Variants in FGD5 observed in about 807,000 individuals in gnomAD.
FGD5 encodes the protein FYVE, RhoGEF and PH domain-containing protein 5.
In FGD5, 28 loss-of-function variants were observed where a neutral mutation model predicts 133.4. The observed-to-expected ratio is 0.21, with a 90% confidence interval of 0.16 to 0.29. The LOEUF (loss-of-function observed/expected upper bound fraction) is 0.29. Ranked by LOEUF, FGD5 falls within the 10% of genes least tolerant of loss-of-function variation. The probability of loss-of-function intolerance (pLI) is 1.00; values close to 1 mark genes in which losing one functional copy is unlikely to be tolerated. For missense variants in FGD5, 1,858 were observed against 1,895.2 expected (o/e 0.98, Z 0.36); for synonymous variants, 810 against 776.5 (o/e 1.04, Z -0.72).
At chr3:14,822,077 C>T (rs1270170105) in intron 1 of FGD5, among the ~76,000 whole-genome samples, 1 of 149,008 alleles carries the variant, frequency 6.7e-6, no homozygotes, top group Non-Finnish European at 1.5e-5. Context: ...TCCAACCTGG[C>T]AATAGAGCGA....
At chr3:14,871,441 A>C (rs952584278) in intron 2 of FGD5, among the ~76,000 whole-genome samples, 3 of 152,168 alleles carry the variant, frequency 2.0e-5, no homozygotes, top group Non-Finnish European at 4.4e-5. Flanking sequence ...TGTGTAACTT[A>C]CTCTGCACAG....
rs559037775 is a variant in FGD5 at position 14,911,621 on chromosome 3, GCT to G, written c.3405+699_3405+700del. ...GACAGGCTGTGGTAAGAGTCTACGA[GCT>G]CTCTCTGTTCCAGGCGTTGACTGAG... is the stretch of plus-strand genomic sequence containing the variant. On this transcript the variant is annotated intron_variant, in intron 11 of 19. Coordinates refer to ENST00000285046, the MANE Select transcript of FGD5 (RefSeq NM_152536.4). Among the ~76,000 whole-genome samples, 10 of 152,026 alleles carry G rather than the reference GCT, an allele frequency of 6.6e-5. No homozygotes were observed. In the South Asian group the frequency reaches 1.7e-3, roughly 25 times the overall value.
intron 1 of FGD5, among the ~76,000 whole-genome samples, chr3:14,861,777 A>T (rs2037402495): frequency 6.6e-6 from 1 of 152,058 alleles, no homozygotes; most frequent in Admixed American, 6.5e-5. Context: ...GAGGGTGCCC[A>T]CCTTGCCCTC....
At chr3:14,892,926 A>G (rs1290765336) in intron 4 of FGD5, among the ~76,000 whole-genome samples, 1 of 152,212 alleles carries the variant, frequency 6.6e-6, no homozygotes, top group East Asian at 1.9e-4. Context: ...AACAAGGTAG[A>G]GGAATCATCT....
chr3:14,915,999 C>G (rs1038270318), intron 11 of FGD5, among the ~76,000 whole-genome samples: 1 of 152,056 alleles, frequency 6.6e-6, no homozygotes, highest in Admixed American at 6.5e-5. Flanking sequence ...AGGGCTTGCC[C>G]TGGTTGATGT....
At chr3:14,908,892 AAATAAATAAAAAT>A (rs1201642201) in intron 10 of FGD5, among the ~76,000 whole-genome samples, 5 of 151,868 alleles carry the variant, frequency 3.3e-5, no homozygotes, top group Admixed American at 2.0e-4. Flanking sequence ...AAGAATAAAT[AAATAAATAAAAAT>A]AATAAATAAA....
chr3:14,880,356 A>G (rs1369129783), intron 2 of FGD5, among the ~76,000 whole-genome samples: 2 of 152,234 alleles, frequency 1.3e-5, no homozygotes, highest in Admixed American at 6.5e-5. Flanking sequence ...CTTGTCTCAA[A>G]TAAAATAAAT....
intron 2 of FGD5, among the ~76,000 whole-genome samples, chr3:14,867,514 C>CAG (rs2037518416): frequency 2.0e-5 from 3 of 151,958 alleles, no homozygotes; most frequent in African/African-American, 7.2e-5. Context: ...ATCAATGGAC[C>CAG]AGAGAGCAGG....
At position 14,926,594 on chromosome 3, in the gene FGD5, T is replaced by G. The variant is rs1044689153; in HGVS notation, c.4197+396T>G. ...GCAGTGTGGAGGAAGCTACTCCCTT[T>G]TTGTCTGTCCATTTCTTTTATAGGG... On this transcript the variant is annotated intron_variant, in intron 18 of 19. Transcript: ENST00000285046. Among the ~76,000 whole-genome samples, 22 of 152,344 alleles carry G rather than the reference T, an allele frequency of 1.4e-4. No individual in the cohort carries two copies. In the East Asian group the frequency reaches 2.1e-3, roughly 15 times the overall value.
chr3:14,932,760 C>G, intron 19 of FGD5, 29 bp downstream of exon 19: 1 of 1,600,280 alleles, frequency 6.2e-7, no homozygotes, highest in Non-Finnish European at 8.5e-7. Flanking sequence ...AGTCTTATAG[C>G]TTTTTGTTCT....
At position 14,864,190 on chromosome 3, in the gene FGD5, C is replaced by T. The variant is rs781430448; in HGVS notation, c.2588C>T (p.Thr863Met). ...TCGGCAGCCCCCAAAGAGGACCTTA[C>T]GTCGGATGAAGAGCAGAGAAGCTCG... Reference protein sequence around the residue: ...ISSAAPKEDLTSDEEQRSSEE... With the variant: ...ISSAAPKEDLMSDEEQRSSEE... The change falls in exon 2 of 20, where the codon ACG becomes ATG. Residue 863 changes from threonine (T) to methionine (M), a missense_variant. Physicochemically the swap from Thr to Met is moderately conservative, Grantham distance 81. Coordinates refer to ENST00000285046, the MANE Select transcript of FGD5 (RefSeq NM_152536.4). 3.4e-5 allele frequency: 55 copies of T among 1,613,884 alleles called. No individual in the cohort carries two copies. The highest frequency in any genetic ancestry group is 4.3e-5 in the Non-Finnish European group (51 of 1,179,894).
At chr3:14,911,072 G>C (rs997029366) in intron 11 of FGD5, 143 bp downstream of exon 11, 1 of 733,998 alleles carries the variant, frequency 1.4e-6, no homozygotes, top group African/African-American at 1.8e-5. Context: ...ATTCTGGACA[G>C]CTGAGAGCTT....
intron 6 of FGD5, 50 bp downstream of exon 6, chr3:14,898,145 G>C: frequency 6.2e-7 from 1 of 1,608,936 alleles, no homozygotes. Flanking sequence ...CAGGGGTTGA[G>C]GTGGGCGAAG....
intron 6 of FGD5, among the ~76,000 whole-genome samples, chr3:14,898,371 C>T (rs188192555): frequency 7.9e-5 from 12 of 152,268 alleles, no homozygotes; most frequent in African/African-American, 2.9e-4. Flanking sequence ...CCAACCAAGC[C>T]AGAGCCCCAG....
intron 1 of FGD5, among the ~76,000 whole-genome samples, chr3:14,853,312 A>T (rs1305755749): frequency 1.3e-5 from 2 of 152,122 alleles, no homozygotes; most frequent in Non-Finnish European, 2.9e-5. Context: ...CGAATGTCTG[A>T]GGGTTTAGAA....
intron 2 of FGD5, among the ~76,000 whole-genome samples, chr3:14,877,530 G>A (rs983489546): frequency 6.6e-6 from 1 of 152,246 alleles, no homozygotes; most frequent in Non-Finnish European, 1.5e-5. Context: ...ACGCCCACCT[G>A]TTTGCCAGAT....
At chr3:14,927,427 G>A (rs190447271) in intron 18 of FGD5, among the ~76,000 whole-genome samples, 12 of 152,116 alleles carry the variant, frequency 7.9e-5, no homozygotes, top group Admixed American at 5.2e-4. Context: ...GAGACCAGCC[G>A]GAGCAACATA....
At chr3:14,831,373 CTG>C (rs1447749169) in intron 1 of FGD5, among the ~76,000 whole-genome samples, 1 of 152,238 alleles carries the variant, frequency 6.6e-6, no homozygotes, top group African/African-American at 2.4e-5. Context: ...TAGTTCAAAA[CTG>C]TAGCTAAGAG....
intron 1 of FGD5, among the ~76,000 whole-genome samples, chr3:14,834,658 A>G (rs919343629): frequency 1.3e-5 from 2 of 152,340 alleles, no homozygotes; most frequent in South Asian, 2.1e-4. Flanking sequence ...TTTTTTACCA[A>G]TAATTTAATC....
Sources: allele counts gnomAD v4.1 joint callset (sites outside exome capture counted in the v4.1 genomes callset), GRCh38; gene constraint gnomAD v4.1.1; transcripts MANE v1.5; gene names NCBI Gene and HGNC (gene_info 2026-07-23, HGNC 2026-07-21).